KLHDC10: variants seen among roughly 807,000 people sequenced by gnomAD.
KLHDC10 encodes the protein kelch domain-containing protein 10.
In KLHDC10, 24 loss-of-function variants were observed where a neutral mutation model predicts 56.1. The ratio of observed to expected loss-of-function variants is 0.43; its 90% CI spans 0.31 to 0.60. KLHDC10 has a LOEUF of 0.60. Among genes scored for constraint, KLHDC10 ranks in the 20% least tolerant of loss-of-function variants. The pLI, the probability that KLHDC10 is intolerant of heterozygous loss-of-function variation, is 0.11. For missense variants in KLHDC10, 349 were observed against 567.0 expected (o/e 0.62, Z 3.91); for synonymous variants, 188 against 207.1 (o/e 0.91, Z 0.79).
intron 1 of KLHDC10, among the ~76,000 whole-genome samples, chr7:130,076,000 A>G (rs1050304261): frequency 1.3e-5 from 2 of 151,806 alleles, no homozygotes; most frequent in African/African-American, 2.4e-5. Flanking sequence ...TTTTGGCACC[A>G]GGGACCAGTT....
intron 2 of KLHDC10, among the ~76,000 whole-genome samples, chr7:130,100,319 C>T (rs761526722): frequency 1.3e-5 from 2 of 152,138 alleles, no homozygotes; most frequent in Non-Finnish European, 2.9e-5. Context: ...TGATGGCACC[C>T]TCCGTGTACC....
At chr7:130,109,518 T>A (rs1326027043) in intron 2 of KLHDC10, among the ~76,000 whole-genome samples, 1 of 152,188 alleles carries the variant, frequency 6.6e-6, no homozygotes, top group South Asian at 2.1e-4. Context: ...TGTATCAAAA[T>A]TAGGCATCAA....
At chr7:130,093,578 G>T (rs997017397) in intron 1 of KLHDC10, among the ~76,000 whole-genome samples, 5 of 152,042 alleles carry the variant, frequency 3.3e-5, no homozygotes, top group African/African-American at 1.2e-4. Context: ...TTGGCACTTT[G>T]AATATATAAA....
At chr7:130,128,891 T>TAC (rs1796354274) in intron 8 of KLHDC10, among the ~76,000 whole-genome samples, 1 of 38,126 alleles carries the variant, frequency 2.6e-5, no homozygotes, top group African/African-American at 9.4e-5. Flanking sequence ...AAAAAAAAAA[T>TAC]ATATATATAT....
intron 2 of KLHDC10, among the ~76,000 whole-genome samples, chr7:130,105,362 G>A (rs910280945): frequency 3.9e-5 from 6 of 152,066 alleles, no homozygotes; most frequent in African/African-American, 4.8e-5. Context: ...GCCTCTTCAC[G>A]CAACTTAGAC....
At chr7:130,129,843 G>C (rs751571802) in intron 9 of KLHDC10, among the ~76,000 whole-genome samples, 10 of 152,160 alleles carry the variant, frequency 6.6e-5, no homozygotes, top group Non-Finnish European at 1.0e-4. Context: ...TGTTTCCTGG[G>C]AGGGCGGAAT....
chr7:130,128,633 A>T (rs1796344709), intron 8 of KLHDC10, among the ~76,000 whole-genome samples: 1 of 151,970 alleles, frequency 6.6e-6, no homozygotes, highest in South Asian at 2.1e-4. Flanking sequence ...CTACATAGAG[A>T]CTTTAGTCTC....
chr7:130,079,066 G>T (rs1245746786), intron 1 of KLHDC10, among the ~76,000 whole-genome samples: 2 of 149,686 alleles, frequency 1.3e-5, no homozygotes, highest in Non-Finnish European at 3.0e-5. Flanking sequence ...TTTGTTTTTT[G>T]TTTTTTTTTG....
chr7:130,075,505 T>C (rs903286722), intron 1 of KLHDC10, among the ~76,000 whole-genome samples: 2 of 152,232 alleles, frequency 1.3e-5, no homozygotes, highest in Non-Finnish European at 2.9e-5. Flanking sequence ...ATTTCCTGTA[T>C]ATTTTTTCCA....
At chr7:130,085,099 A>G (rs988408031) in intron 1 of KLHDC10, among the ~76,000 whole-genome samples, 1 of 152,014 alleles carries the variant, frequency 6.6e-6, no homozygotes, top group Non-Finnish European at 1.5e-5. Context: ...TAATCCCAGC[A>G]CTTTGGGAGG....
chr7:130,121,963 C>A, intron 4 of KLHDC10, 91 bp from the exon 5 acceptor site: 1 of 1,122,716 alleles, frequency 8.9e-7, no homozygotes, highest in South Asian at 1.9e-5. Context: ...AAGAGAATTT[C>A]ATAAAACCTG....
intron 1 of KLHDC10, among the ~76,000 whole-genome samples, chr7:130,074,459 C>A (rs1240412701): frequency 6.6e-6 from 1 of 151,960 alleles, no homozygotes; most frequent in Non-Finnish European, 1.5e-5. Context: ...CACACATATG[C>A]GTATATATAT....
At chr7:130,090,888 G>A (rs58117719) in intron 1 of KLHDC10, among the ~76,000 whole-genome samples, 20,577 of 152,010 alleles carry the variant, frequency 0.14, 1,584 homozygotes, top group East Asian at 0.31. Context: ...CCCTGGTGGT[G>A]CCCTGATACA....
intron 1 of KLHDC10, among the ~76,000 whole-genome samples, chr7:130,081,786 T>A (rs1795611264): frequency 6.6e-6 from 1 of 152,264 alleles, no homozygotes; most frequent in Non-Finnish European, 1.5e-5. Flanking sequence ...TTTTCAGTAG[T>A]GTCTGGTACT....
chr7:130,119,175 C>T (rs987840198), intron 3 of KLHDC10, among the ~76,000 whole-genome samples: 2 of 150,434 alleles, frequency 1.3e-5, no homozygotes, highest in Admixed American at 6.6e-5. Flanking sequence ...TGCCACTGCA[C>T]TCCAGCTAGG....
At chr7:130,104,039 G>T (rs1795975108) in intron 2 of KLHDC10, among the ~76,000 whole-genome samples, 1 of 152,094 alleles carries the variant, frequency 6.6e-6, no homozygotes, top group Non-Finnish European at 1.5e-5. Flanking sequence ...AGTGAGCCAA[G>T]ATCGTGCTAC....
chr7:130,135,493 C>G lies in KLHDC10; in HGVS notation c.*4747C>G, dbSNP rs1251903031. 6.5e-6 allele frequency: 1 copy of G among 154,358 alleles called. No individual in the cohort carries two copies. Among genetic ancestry groups the G allele is most frequent in the Non-Finnish European group, 1.5e-5 (1 of 68,212 alleles). 9.6% of individuals were successfully genotyped at this position (154,358 alleles called of 1,614,324 possible). ...TCGCCTTACTTTAAAGCTATTTTGC[C>G]ACAGTCCTGTTAAATAGTGTGGACG... On this transcript the variant is annotated 3_prime_UTR_variant, in exon 10 of 10. Transcript: ENST00000335420.
At chr7:130,091,602 A>G (rs114325301) in intron 1 of KLHDC10, among the ~76,000 whole-genome samples, 391 of 152,264 alleles carry the variant, frequency 2.6e-3, no homozygotes, top group African/African-American at 8.8e-3. Context: ...GTCATTTTCT[A>G]TATCCTTCAT....
At chr7:130,077,555 C>CTTTTTTTTTTTTTTTTT (rs1374918216) in intron 1 of KLHDC10, among the ~76,000 whole-genome samples, 2 of 108,108 alleles carry the variant, frequency 1.8e-5, no homozygotes, top group Non-Finnish European at 3.8e-5. Context: ...CTTTTTCTTT[C>CTTTTTTTTTTTTTTTTT]TTTTTTTTTT....
Sources: gnomAD v4.1 joint callset for allele counts (sites outside exome capture counted in the v4.1 genomes callset) on GRCh38, gnomAD v4.1.1 for gene constraint, MANE v1.5 for transcripts, NCBI Gene and HGNC (gene_info 2026-07-23, HGNC 2026-07-21) for gene names.